The following UNC5C variants were observed in gnomAD, a reference collection of about 807,000 sequenced individuals.
UNC5C encodes unc-5 netrin receptor C.
UNC5C carries 47 observed loss-of-function variants against 99.8 expected under a neutral mutation model. The observed-to-expected ratio is 0.47, with a 90% CI of 0.37 to 0.60. The LOEUF is 0.60. UNC5C is among the 20% of genes least tolerant of loss of function. UNC5C has a pLI of 0.00. For missense variants in UNC5C, 1,062 were observed against 1,165.9 expected (o/e 0.91, Z 1.30); for synonymous variants, 487 against 452.2 (o/e 1.08, Z -0.98).
chr4:95,533,133 C>T (rs972090532), intron 1 of UNC5C, among the ~76,000 whole-genome samples: 3 of 152,008 alleles, frequency 2.0e-5, no homozygotes, highest in African/African-American at 7.2e-5. Flanking sequence ...TATGATGGCT[C>T]ACGCCTGTAA....
At chr4:95,221,036 C>CTTT (rs981502086) in intron 7 of UNC5C, among the ~76,000 whole-genome samples, 2 of 152,134 alleles carry the variant, frequency 1.3e-5, no homozygotes, top group Non-Finnish European at 2.9e-5. Flanking sequence ...CAACTGAGGT[C>CTTT]TTTTTTCTGG....
At chr4:95,501,802 C>T (rs1342795602) in intron 1 of UNC5C, among the ~76,000 whole-genome samples, 1 of 152,056 alleles carries the variant, frequency 6.6e-6, no homozygotes, top group Non-Finnish European at 1.5e-5. Flanking sequence ...ACGTCTGATG[C>T]TACCTTTGAA....
intron 4 of UNC5C, among the ~76,000 whole-genome samples, chr4:95,256,984 T>TA (rs2149384805): frequency 6.6e-6 from 1 of 152,056 alleles, no homozygotes; most frequent in Non-Finnish European, 1.5e-5. Context: ...ATTAGATAGA[T>TA]GGTGCTCACC....
At chr4:95,212,517 C>T (rs974487395) in intron 10 of UNC5C, among the ~76,000 whole-genome samples, 5 of 152,152 alleles carry the variant, frequency 3.3e-5, no homozygotes, top group Admixed American at 2.6e-4. Flanking sequence ...CTTCATTTGC[C>T]TTATCCTTAC....
At chr4:95,328,427 G>C (rs1467627606) in intron 2 of UNC5C, among the ~76,000 whole-genome samples, 1 of 125,272 alleles carries the variant, frequency 8.0e-6, no homozygotes, top group Non-Finnish European at 1.7e-5. Context: ...AGTATTCCAT[G>C]GTGTATATGT....
intron 1 of UNC5C, among the ~76,000 whole-genome samples, chr4:95,384,315 G>A (rs1480416969): frequency 1.3e-5 from 2 of 152,130 alleles, no homozygotes; most frequent in Non-Finnish European, 2.9e-5. Context: ...GGAGAGAGAG[G>A]TTGAAAATGA....
chr4:95,359,588 T>C (rs1381014837), intron 1 of UNC5C, among the ~76,000 whole-genome samples: 1 of 152,092 alleles, frequency 6.6e-6, no homozygotes, highest in Non-Finnish European at 1.5e-5. Flanking sequence ...GGGACGCAAC[T>C]TTTTAAAGCT....
rs142450713 is a variant in UNC5C at position 95,204,467 on chromosome 4, C to T, written c.1903-1503G>A. On this transcript the variant is annotated intron_variant, in intron 11 of 15. Coordinates refer to ENST00000453304, the MANE Select transcript of UNC5C (RefSeq NM_003728.4). Reference sequence around the variant, plus strand: ...TGCATGCCTGTCTAAAGAGCTCAGCCTCTGCTGGGCTTCGGCCTACGGTTG... The same window carrying T: ...TGCATGCCTGTCTAAAGAGCTCAGCTTCTGCTGGGCTTCGGCCTACGGTTG... 3.2e-3 allele frequency among the ~76,000 whole-genome samples: 489 copies of T among 152,328 alleles called. 1 individual carries two copies. The highest frequency in any genetic ancestry group is 9.6e-3 in the Admixed American group (147 of 15,314).
intron 1 of UNC5C, among the ~76,000 whole-genome samples, chr4:95,524,618 C>T (rs1237674734): frequency 6.6e-6 from 1 of 152,156 alleles, no homozygotes. Flanking sequence ...GGGACATGTG[C>T]TCTCCAGATC....
chr4:95,244,875 A>G lies in UNC5C; in HGVS notation c.943+102T>C, dbSNP rs944177020. The stretch of plus-strand genomic sequence containing the variant: ...AGTAGGATGGATTTAAATAACGTTC[A>G]TCACACATTCAGATCAAGAATAAAG... On this transcript the variant is annotated intron_variant, in intron 6 of 15. Transcript: ENST00000453304. 69 of 1,448,886 alleles carry G rather than the reference A, an allele frequency of 4.8e-5. 1 individual carries two copies. Among genetic ancestry groups the G allele is most frequent in the Non-Finnish European group, 5.8e-5 (61 of 1,046,362 alleles). The allele number at this position is 1,448,886 out of a possible 1,614,324, so 89.8% of individuals were successfully genotyped here. A position where few individuals can be genotyped will look rare whatever the true frequency, so the allele number is the denominator to read the frequency against.
At chr4:95,286,845 A>C (rs1157876757) in intron 3 of UNC5C, among the ~76,000 whole-genome samples, 1 of 152,168 alleles carries the variant, frequency 6.6e-6, no homozygotes, top group Non-Finnish European at 1.5e-5. Flanking sequence ...GACTAACAGA[A>C]GTTGGTAATA....
intron 1 of UNC5C, among the ~76,000 whole-genome samples, chr4:95,414,223 C>T (rs570588641): frequency 1.3e-5 from 2 of 151,932 alleles, no homozygotes; most frequent in African/African-American, 4.8e-5. Flanking sequence ...ACCTCCCCCC[C>T]ACAAAAAATA....
intron 1 of UNC5C, among the ~76,000 whole-genome samples, chr4:95,511,618 C>T (rs1722072343): frequency 6.6e-6 from 1 of 152,042 alleles, no homozygotes; most frequent in Non-Finnish European, 1.5e-5. Flanking sequence ...ACTTGCATAA[C>T]CTCTATTTAG....
At chr4:95,321,796 T>C (rs1408912890) in intron 2 of UNC5C, among the ~76,000 whole-genome samples, 2 of 152,334 alleles carry the variant, frequency 1.3e-5, no homozygotes, top group African/African-American at 4.8e-5. Context: ...GATATTCTGT[T>C]ATGACTAACC....
intron 12 of UNC5C, among the ~76,000 whole-genome samples, chr4:95,197,067 TTTATA>T (rs1437869886): frequency 1.8e-5 from 1 of 54,124 alleles, no homozygotes; most frequent in Non-Finnish European, 3.8e-5. Context: ...AATATATATT[TTTATA>T]TTATATTTAT....
chr4:95,371,297 A>C lies in UNC5C; in HGVS notation c.125-35666T>G, dbSNP rs368473945. Among the ~76,000 whole-genome samples, 25 of 152,292 alleles carry C rather than the reference A, an allele frequency of 1.6e-4. No individual in the cohort carries two copies. In the South Asian group the frequency reaches 4.6e-3, roughly 28 times the overall value. ...ATAAAAAGAAACATAAAAGATGAGA[A>C]AAATCCATACTGCTTTTTAAAATGT... On this transcript the variant is annotated intron_variant, in intron 1 of 15. Coordinates refer to ENST00000453304, the MANE Select transcript of UNC5C (RefSeq NM_003728.4).
chr4:95,349,887 T>C (rs1302196572), intron 1 of UNC5C, among the ~76,000 whole-genome samples: 1 of 152,166 alleles, frequency 6.6e-6, no homozygotes. Flanking sequence ...TTCTCAAATT[T>C]GGCTTAGAAA....
intron 4 of UNC5C, among the ~76,000 whole-genome samples, chr4:95,267,281 G>A (rs1740484371): frequency 6.6e-6 from 1 of 152,124 alleles, no homozygotes; most frequent in Non-Finnish European, 1.5e-5. Context: ...ATATTTGGGG[G>A]TTTCCTGGAA....
chr4:95,184,566 G>A (rs1329288889), intron 13 of UNC5C, among the ~76,000 whole-genome samples: 3 of 152,102 alleles, frequency 2.0e-5, no homozygotes, highest in Non-Finnish European at 4.4e-5. Flanking sequence ...GTATTTTCTT[G>A]TCTCTTGTTT....
Sources: gnomAD v4.1 joint callset for allele counts (sites outside exome capture counted in the v4.1 genomes callset) on GRCh38, gnomAD v4.1.1 for gene constraint, MANE v1.5 for transcripts, NCBI Gene and HGNC (gene_info 2026-07-23, HGNC 2026-07-21) for gene names.